RNF212: variants seen among roughly 807,000 people sequenced by gnomAD.
RNF212 encodes the protein probable E3 SUMO-protein ligase RNF212.
RNF212 carries 33 observed loss-of-function variants against 34.7 expected under a neutral mutation model. The observed-to-expected ratio is 0.95, with a 90% CI of 0.72 to 1.27. The LOEUF is 1.27. Ranked by LOEUF, RNF212 falls within the 50% of genes most tolerant of loss-of-function variation. The pLI is 0.00. For synonymous variants in RNF212, 140 were observed against 136.1 expected (o/e 1.03, Z -0.20); for missense variants, 377 against 362.2 (o/e 1.04, Z -0.33).
At chr4:1,095,956 C>A (rs1338741798) in intron 3 of RNF212, among the ~76,000 whole-genome samples, 2 of 82,600 alleles carry the variant, frequency 2.4e-5, no homozygotes, top group East Asian at 6.2e-4. Context: ...GGATAGCGCA[C>A]CTGGCTCATC....
At chr4:1,059,821 G>A (rs1012649375) in intron 3 of RNF212, among the ~76,000 whole-genome samples, 3 of 152,242 alleles carry the variant, frequency 2.0e-5, no homozygotes, top group Non-Finnish European at 4.4e-5. Flanking sequence ...TAGGCTGGGT[G>A]TGGTGGCTCA....
intron 8 of RNF212, among the ~76,000 whole-genome samples, chr4:1,079,392 C>T (rs932664118): frequency 2.6e-5 from 4 of 152,258 alleles, no homozygotes; most frequent in African/African-American, 7.2e-5. Context: ...GCCAACACCT[C>T]GTCCGCATTT....
rs11947019 is a variant in RNF212 at position 1,083,592 on chromosome 4, C to T, written c.363-1973G>A. Among the ~76,000 whole-genome samples the T allele has an allele frequency of 7.3e-3, 1,108 of 152,230 alleles. 9 individuals carry two copies. The highest frequency in any genetic ancestry group is 0.023 in the African/African-American group (969 of 41,518). On this transcript the variant is annotated intron_variant, in intron 5 of 9. Transcript: ENST00000433731. ...GGCGGAGGTTGAGGTGAGCTGAGAT[C>T]GTGCCACTGTACTCCAGCCTGGGTG...
At chr4:1,067,669 A>G (rs888448665), downstream of RNF212, among the ~76,000 whole-genome samples, 1 of 152,218 alleles carries the variant, frequency 6.6e-6, no homozygotes, top group African/African-American at 2.4e-5. Context: ...GATCGAGGCC[A>G]GCCTCGTCAA....
At chr4:1,109,934 C>A (rs1725399906) in intron 1 of RNF212, among the ~76,000 whole-genome samples, 1 of 152,184 alleles carries the variant, frequency 6.6e-6, no homozygotes, top group Admixed American at 6.5e-5. Flanking sequence ...GTCTCCTTTC[C>A]TCTCTTCTTC....
At chr4:1,079,337 G>A (rs1374639040) in intron 8 of RNF212, among the ~76,000 whole-genome samples, 1 of 152,226 alleles carries the variant, frequency 6.6e-6, no homozygotes, top group East Asian at 1.9e-4. Context: ...CATGGGACCT[G>A]TACGGGAACA....
chr4:1,078,252 TCA>T (rs1396265276), intron 8 of RNF212, among the ~76,000 whole-genome samples: 3 of 152,252 alleles, frequency 2.0e-5, no homozygotes, highest in South Asian at 4.1e-4. Flanking sequence ...CAGAACACAC[TCA>T]GTTTTCCTGC....
At chr4:1,112,365 G>T (rs1326003698) in intron 1 of RNF212, among the ~76,000 whole-genome samples, 1 of 152,070 alleles carries the variant, frequency 6.6e-6, no homozygotes, top group Non-Finnish European at 1.5e-5. Context: ...GCGTCCCCTG[G>T]GGCTGGAGGG....
chr4:1,082,152 A>G (rs7660779), intron 5 of RNF212, among the ~76,000 whole-genome samples: 123,330 of 152,126 alleles, frequency 0.81, 50,705 homozygotes, highest in African/African-American at 0.94. Flanking sequence ...GGAAAGGGAA[A>G]GGAAAGAAAA....
chr4:1,057,022 CACA>C, intron 4 of RNF212: 1 of 984,708 alleles, frequency 1.0e-6, no homozygotes, highest in Non-Finnish European at 1.2e-6. Context: ...ATTCAAGAAA[CACA>C]ACATCATGAA....
intron 2 of RNF212, chr4:1,100,723 G>C (rs1323219820): frequency 6.6e-6 from 1 of 152,220 alleles, no homozygotes; most frequent in Admixed American, 6.6e-5. Flanking sequence ...TTTCCATATT[G>C]AAGTTCCAAC....
chr4:1,099,700 CAT>C (rs1432197255), intron 2 of RNF212: 7 of 456,104 alleles, frequency 1.5e-5, no homozygotes, highest in Non-Finnish European at 3.1e-5. Context: ...AACGAGGATA[CAT>C]AGTTAAATCT....
intron 1 of RNF212, among the ~76,000 whole-genome samples, chr4:1,110,392 G>A (rs1725473426): frequency 6.6e-6 from 1 of 152,106 alleles, no homozygotes; most frequent in Admixed American, 6.5e-5. Context: ...CTTCCTTTGT[G>A]CCTGTTTGGG....
At chr4:1,101,647 C>T (rs1724009269) in intron 2 of RNF212, 1 of 204,528 alleles carries the variant, frequency 4.9e-6, no homozygotes, top group Non-Finnish European at 1.0e-5. Context: ...ACATCGTCAT[C>T]TATTGCTCCT....
At chr4:1,056,767 C>CA (rs1491428909) in intron 4 of RNF212, 3 of 849,454 alleles carry the variant, frequency 3.5e-6, no homozygotes, top group Non-Finnish European at 4.2e-6. Flanking sequence ...GGCACACACT[C>CA]AGTTAAAGAG....
chr4:1,102,689 A>G (rs1390747078), intron 2 of RNF212, among the ~76,000 whole-genome samples: 1 of 147,198 alleles, frequency 6.8e-6, no homozygotes, highest in Non-Finnish European at 1.5e-5. Context: ...CGTCTCTACT[A>G]AAAATACAAA....
intron 2 of RNF212, chr4:1,099,803 C>G (rs1463920756): frequency 8.8e-6 from 4 of 456,126 alleles, no homozygotes; most frequent in African/African-American, 8.0e-5. Flanking sequence ...GCAGAGCAAT[C>G]GAGTCCACAA....
At position 1,108,419 on chromosome 4, in the gene RNF212, T is replaced by C; in HGVS notation, c.110-15A>G. 1.5e-6 allele frequency: 2 copies of C among 1,378,224 alleles called. No homozygotes were observed. The highest frequency in any genetic ancestry group is 2.0e-6 in the Non-Finnish European group (2 of 1,024,170). The allele number at this position is 1,378,224 out of a possible 1,614,324, so 85.4% of individuals were successfully genotyped here. ...ATTCTTTTTACCTATAAAATAAAAA[T>C]AGGCTTTATTATATTAGACTGACTA... On this transcript the variant is annotated splice_polypyrimidine_tract_variant and intron_variant, in intron 1 of 9. Coordinates refer to ENST00000433731, the MANE Select transcript of RNF212 (RefSeq NM_001131034.4).
intron 5 of RNF212, among the ~76,000 whole-genome samples, chr4:1,085,164 CT>C (rs1467097654): frequency 6.6e-6 from 1 of 152,256 alleles, no homozygotes; most frequent in African/African-American, 2.4e-5. Flanking sequence ...TTCAACGCGT[CT>C]CGTAGAATCT....
Sources: allele counts gnomAD v4.1 joint callset (sites outside exome capture counted in the v4.1 genomes callset), GRCh38; gene constraint gnomAD v4.1.1; transcripts MANE v1.5; gene names NCBI Gene and HGNC (gene_info 2026-07-23, HGNC 2026-07-21).